ALCAM: variants seen among roughly 807,000 people sequenced by gnomAD.
ALCAM encodes activated leukocyte cell adhesion molecule.
Under a neutral mutation model 70.9 loss-of-function variants are expected in ALCAM, and 30 were observed. That is an observed-to-expected ratio of 0.42 (90% CI 0.32 to 0.57). The LOEUF is 0.57. Among genes scored for constraint, ALCAM ranks in the 20% least tolerant of loss-of-function variants. The pLI is 0.11. For synonymous variants in ALCAM, 249 were observed against 242.5 expected, an observed-to-expected ratio of 1.03 and a Z score of -0.25; for missense variants, 591 against 695.1, an observed-to-expected ratio of 0.85 and a Z score of 1.68.
chr3:105,408,616 A>G (rs1015581793), intron 1 of ALCAM, among the ~76,000 whole-genome samples: 2 of 152,166 alleles, frequency 1.3e-5, no homozygotes, highest in African/African-American at 4.8e-5. Flanking sequence ...AACATAAGAA[A>G]AACCTCTCTA....
chr3:105,574,922 T>A lies in ALCAM; in HGVS notation c.*471T>A, dbSNP rs1940929583. The A allele has an allele frequency of 6.6e-6, 1 of 152,568 alleles. No individual in the cohort carries two copies. Among genetic ancestry groups the A allele is most frequent in the East Asian group, 1.9e-4 (1 of 5,194 alleles). The allele number at this position is 152,568 out of a possible 1,614,324, so 9.5% of individuals were successfully genotyped here. The stretch of plus-strand genomic sequence containing the variant: ...ATCAGCAATGCCCCAAACTTTCTCA[T>A]AAGCACCTAAAACCCAAAGGTGGCA... On this transcript the variant is annotated 3_prime_UTR_variant, in exon 16 of 16. Transcript: ENST00000306107.
At chr3:105,530,652 A>G (rs1939817587) in intron 3 of ALCAM, among the ~76,000 whole-genome samples, 1 of 152,068 alleles carries the variant, frequency 6.6e-6, no homozygotes, top group Non-Finnish European at 1.5e-5. Context: ...GTGGAATTAT[A>G]TTTCTAGAAT....
At chr3:105,401,809 T>A (rs1389931209) in intron 1 of ALCAM, among the ~76,000 whole-genome samples, 1 of 151,892 alleles carries the variant, frequency 6.6e-6, no homozygotes, top group Non-Finnish European at 1.5e-5. Flanking sequence ...TCTAGACTAG[T>A]GGTTTTCAAC....
chr3:105,448,296 A>C (rs1410880889), intron 1 of ALCAM, among the ~76,000 whole-genome samples: 1 of 152,140 alleles, frequency 6.6e-6, no homozygotes, highest in Non-Finnish European at 1.5e-5. Flanking sequence ...CACTAAACCT[A>C]CTGTAGTAAC....
rs1185507799 is a variant in ALCAM, at chr3:105,517,624, GA to G, written c.74-2439del. Among the ~76,000 whole-genome samples the G allele has an allele frequency of 3.3e-5, 5 of 152,124 alleles. No individual in the cohort carries two copies. The East Asian group carries it at 9.6e-4, about 29-fold the overall frequency. On this transcript the variant is annotated intron_variant, in intron 1 of 15. Transcript: ENST00000306107. Reference sequence around the variant, plus strand: ...CTTTAATTTCTCTTTAAAGGGAAGGGAAAATGTTCTCTCTTGTCATTCCATC... The same window carrying G: ...CTTTAATTTCTCTTTAAAGGGAAGGGAAATGTTCTCTCTTGTCATTCCATC...
chr3:105,537,940 G>A (rs563902920), intron 6 of ALCAM, among the ~76,000 whole-genome samples: 1 of 152,112 alleles, frequency 6.6e-6, no homozygotes, highest in Non-Finnish European at 1.5e-5. Context: ...TCAGCAGACA[G>A]TTTTGGTTAT....
intron 1 of ALCAM, among the ~76,000 whole-genome samples, chr3:105,506,547 C>A (rs1939083597): frequency 6.6e-6 from 1 of 152,220 alleles, no homozygotes; most frequent in South Asian, 2.1e-4. Context: ...CCTGCTAGGA[C>A]TCTTACAGCT....
chr3:105,538,447 T>C (rs775659504), intron 6 of ALCAM, among the ~76,000 whole-genome samples: 7 of 152,100 alleles, frequency 4.6e-5, no homozygotes, highest in African/African-American at 7.2e-5. Context: ...AACACGTTAG[T>C]GGACATGCAG....
At chr3:105,412,566 A>G (rs56341088) in intron 1 of ALCAM, among the ~76,000 whole-genome samples, 15,568 of 152,090 alleles carry the variant, frequency 0.1, 1,122 homozygotes, top group East Asian at 0.25. Context: ...GAAGTAGAAG[A>G]ATTGTAATTC....
At chr3:105,530,696 G>A (rs1294485508) in intron 3 of ALCAM, among the ~76,000 whole-genome samples, 1 of 151,978 alleles carries the variant, frequency 6.6e-6, no homozygotes, top group Non-Finnish European at 1.5e-5. Flanking sequence ...TAATTAAAGA[G>A]CATGAGTTCA....
chr3:105,520,565 C>G (rs990916337), intron 2 of ALCAM, among the ~76,000 whole-genome samples: 1 of 152,144 alleles, frequency 6.6e-6, no homozygotes, highest in Admixed American at 6.5e-5. Flanking sequence ...GTAGATAGAG[C>G]CTTAGACAGT....
chr3:105,539,994 A>G lies in ALCAM; in HGVS notation c.750A>G (p.Thr250=). ...TTACAGATCCTACAGAGCAGGTGAC[A>G]ATACAAGTGCTGCCACCAAAAAATG... ...FDIYYPTEQV[T]IQVLPPKNAI... Residue 250 remains threonine, a synonymous_variant, in exon 7 of 16, where the codon ACA becomes ACG. Coordinates refer to ENST00000306107, the MANE Select transcript of ALCAM (RefSeq NM_001627.4). 2 of 1,612,488 alleles carry G rather than the reference A, an allele frequency of 1.2e-6. No homozygotes were observed. Among genetic ancestry groups the G allele is most frequent in the Non-Finnish European group, 1.7e-6 (2 of 1,178,906 alleles).
intron 3 of ALCAM, among the ~76,000 whole-genome samples, chr3:105,527,003 A>AATG (rs1254257296): frequency 6.6e-6 from 1 of 152,190 alleles, no homozygotes; most frequent in African/African-American, 2.4e-5. Flanking sequence ...GCCCCTGGCA[A>AATG]ATGACCTTGC....
chr3:105,377,150 T>G (rs1361060434), intron 1 of ALCAM, among the ~76,000 whole-genome samples: 1 of 152,134 alleles, frequency 6.6e-6, no homozygotes, highest in Non-Finnish European at 1.5e-5. Context: ...ATTAAAAAAT[T>G]GTCTCATAGC....
chr3:105,403,068 T>G (rs1035485787), intron 1 of ALCAM, among the ~76,000 whole-genome samples: 2 of 150,488 alleles, frequency 1.3e-5, no homozygotes, highest in African/African-American at 4.9e-5. Flanking sequence ...TGCCTCAGCC[T>G]CCCAAGTAGC....
chr3:105,540,962 TA>T lies in ALCAM; in HGVS notation c.859-667del, dbSNP rs1175707195. Among the ~76,000 whole-genome samples the T allele has an allele frequency of 2.6e-5, 4 of 152,042 alleles. No individual in the cohort carries two copies. In the East Asian group the frequency reaches 5.8e-4, roughly 22 times the overall value. On this transcript the variant is annotated intron_variant, in intron 7 of 15. Transcript: ENST00000306107. ...TTTGTTTCCTTTGCGAAGGAAAATT[TA>T]AAACTAATTAGGTTTCTGCTTTGGC... is the stretch of plus-strand genomic sequence containing the variant.
At chr3:105,495,337 G>A (rs1559810687) in intron 1 of ALCAM, among the ~76,000 whole-genome samples, 1 of 152,094 alleles carries the variant, frequency 6.6e-6, no homozygotes, top group Non-Finnish European at 1.5e-5. Flanking sequence ...TTCTCTATAA[G>A]TAGGAAACTT....
At chr3:105,373,641 T>G (rs1448482405) in intron 1 of ALCAM, among the ~76,000 whole-genome samples, 1 of 152,214 alleles carries the variant, frequency 6.6e-6, no homozygotes, top group Non-Finnish European at 1.5e-5. Flanking sequence ...GTACTTGTCT[T>G]TGCTGTAGTT....
intron 1 of ALCAM, among the ~76,000 whole-genome samples, chr3:105,510,233 G>A (rs183258379): frequency 2.6e-5 from 4 of 152,152 alleles, no homozygotes; most frequent in East Asian, 3.9e-4. Flanking sequence ...GGGTGGAAGC[G>A]TTCTAGACTG....
Sources: allele counts gnomAD v4.1 joint callset (sites outside exome capture counted in the v4.1 genomes callset), GRCh38; gene constraint gnomAD v4.1.1; transcripts MANE v1.5; gene names NCBI Gene and HGNC (gene_info 2026-07-23, HGNC 2026-07-21).